The following HIVEP3 variants were observed in gnomAD, a reference collection of about 807,000 sequenced individuals.
The protein encoded by HIVEP3 is HIVEP zinc finger 3.
A neutral mutation model predicts 152.8 loss-of-function variants in HIVEP3; 49 were observed. The observed-to-expected ratio is 0.32, with a 90% CI of 0.26 to 0.41. The LOEUF (loss-of-function observed/expected upper bound fraction) is 0.41. HIVEP3 is among the 10% of genes least tolerant of loss of function. The pLI is 1.00. For synonymous variants in HIVEP3, 1,269 were observed against 1,289.0 expected, an observed-to-expected ratio of 0.98 and a Z score of 0.33; for missense variants, 2,790 against 3,103.3, an observed-to-expected ratio of 0.90 and a Z score of 2.40.
At chr1:41,557,188 G>A (rs1228170400) in intron 5 of HIVEP3, among the ~76,000 whole-genome samples, 1 of 152,160 alleles carries the variant, frequency 6.6e-6, no homozygotes. Context: ...AATATTTGAT[G>A]AATGAAAAGT....
upstream of HIVEP3, among the ~76,000 whole-genome samples, chr1:41,922,567 A>T (rs1406084367): frequency 3.9e-5 from 6 of 152,326 alleles, no homozygotes; most frequent in East Asian, 1.2e-3. Flanking sequence ...AATGTAATGA[A>T]TAAAGCCAAC....
chr1:41,942,235 A>G (rs1160161982), intron 1 of HIVEP3, among the ~76,000 whole-genome samples: 1 of 152,242 alleles, frequency 6.6e-6, no homozygotes, highest in Non-Finnish European at 1.5e-5. Flanking sequence ...ACACATCCAT[A>G]TGGGTGTCCC....
chr1:41,593,114 G>A (rs1245629942), intron 3 of HIVEP3, among the ~76,000 whole-genome samples: 2 of 152,126 alleles, frequency 1.3e-5, no homozygotes, highest in East Asian at 1.9e-4. Context: ...AGAAATGCTG[G>A]GGAACTTTCT....
chr1:42,003,642 T>C (rs1198491540), intron 1 of HIVEP3, among the ~76,000 whole-genome samples: 2 of 152,112 alleles, frequency 1.3e-5, no homozygotes, highest in Non-Finnish European at 2.9e-5. Flanking sequence ...GCTGCCCAGA[T>C]TGGCAGCAAA....
Position 41,616,695 on chromosome 1 carries a change from C to T in HIVEP3, c.-522+12054G>A, listed in dbSNP as rs60505580. Among the ~76,000 whole-genome samples, 607 of 148,972 alleles carry T rather than the reference C, an allele frequency of 4.1e-3. 13 individuals carry two copies. The highest frequency in any genetic ancestry group is 0.014 in the African/African-American group (570 of 40,354). On this transcript the variant is annotated intron_variant, in intron 3 of 8. Transcript: ENST00000372583. ...CTCAAATTCCTGGCCTCAAATGATC[C>T]TCCCGCCTTAGCATCTTGAGTATCT...
At chr1:41,773,068 G>A (rs1029985486) in intron 1 of HIVEP3, among the ~76,000 whole-genome samples, 1 of 152,170 alleles carries the variant, frequency 6.6e-6, no homozygotes, top group Non-Finnish European at 1.5e-5. Context: ...GCAGGGCTAG[G>A]ACCCAAACAA....
intron 1 of HIVEP3, among the ~76,000 whole-genome samples, chr1:41,825,815 C>T (rs1394178893): frequency 6.6e-6 from 1 of 151,878 alleles, no homozygotes; most frequent in Non-Finnish European, 1.5e-5. Context: ...TCCATGTTGC[C>T]CAAGCTGGTC....
intron 5 of HIVEP3, among the ~76,000 whole-genome samples, chr1:41,532,373 G>A (rs975384354): frequency 2.0e-5 from 3 of 152,088 alleles, no homozygotes; most frequent in African/African-American, 4.8e-5. Flanking sequence ...CCGGAGCAAC[G>A]GCAGAGTGTT....
In HIVEP3 at chr1:41,721,908, G is replaced by A. The variant is rs115864022; in HGVS notation, c.-800-20913C>T. On this transcript the variant is annotated intron_variant, in intron 1 of 8. Coordinates refer to ENST00000372583, the MANE Select transcript of HIVEP3 (RefSeq NM_024503.5). Reference sequence around the variant, plus strand: ...TGCCCTGGGTAGCACAGAGGCTAGTGAGCGTGATCCACTCCATCAGAGGGA... The same window carrying A: ...TGCCCTGGGTAGCACAGAGGCTAGTAAGCGTGATCCACTCCATCAGAGGGA... Among the ~76,000 whole-genome samples the A allele has an allele frequency of 4.7e-3, 716 of 152,304 alleles. 6 individuals are homozygous for A. Among genetic ancestry groups the A allele is most frequent in the African/African-American group, 0.017 (688 of 41,566 alleles).
chr1:41,855,936 A>G (rs1301119855), intron 1 of HIVEP3, among the ~76,000 whole-genome samples: 1 of 152,214 alleles, frequency 6.6e-6, no homozygotes, highest in East Asian at 1.9e-4. Flanking sequence ...TACAGGCTGG[A>G]GTGCAGTGAT....
At chr1:41,737,551 T>A (rs1477971079) in intron 1 of HIVEP3, among the ~76,000 whole-genome samples, 3 of 152,224 alleles carry the variant, frequency 2.0e-5, no homozygotes, top group Non-Finnish European at 4.4e-5. Context: ...TCATCTGTTG[T>A]CCCACCAGCT....
At chr1:41,905,171 A>C (rs978511784) in intron 1 of HIVEP3, among the ~76,000 whole-genome samples, 2 of 152,202 alleles carry the variant, frequency 1.3e-5, no homozygotes, top group Non-Finnish European at 2.9e-5. Context: ...GGAACAAAGC[A>C]AACAGGTGGG....
intron 1 of HIVEP3, among the ~76,000 whole-genome samples, chr1:41,831,086 C>A (rs1299955263): frequency 1.3e-5 from 2 of 152,200 alleles, no homozygotes; most frequent in Non-Finnish European, 2.9e-5. Context: ...CTCACTCTCA[C>A]ATGAGGATGT....
At chr1:41,553,400 C>G (rs1161197886) in intron 5 of HIVEP3, among the ~76,000 whole-genome samples, 5 of 152,152 alleles carry the variant, frequency 3.3e-5, no homozygotes, top group African/African-American at 1.2e-4. Context: ...TGTCTCTGCA[C>G]ATGAGATTGG....
At chr1:41,966,586 G>C (rs1003042910) in intron 1 of HIVEP3, among the ~76,000 whole-genome samples, 4 of 148,438 alleles carry the variant, frequency 2.7e-5, no homozygotes, top group Non-Finnish European at 5.9e-5. Flanking sequence ...CCATTCTCCT[G>C]CCTCAGCCTC....
chr1:41,840,745 C>T (rs1267353733), intron 1 of HIVEP3, among the ~76,000 whole-genome samples: 1 of 152,236 alleles, frequency 6.6e-6, no homozygotes, highest in Non-Finnish European at 1.5e-5. Flanking sequence ...CCGTGCCAGC[C>T]AGCCAGTCAC....
chr1:41,527,659 T>A (rs1462494163), intron 5 of HIVEP3, among the ~76,000 whole-genome samples: 1 of 92,198 alleles, frequency 1.1e-5, no homozygotes, highest in African/African-American at 4.5e-5. Context: ...ACACACCCGT[T>A]CTCACACATT....
intron 1 of HIVEP3, among the ~76,000 whole-genome samples, chr1:41,946,003 G>A (rs1001219581): frequency 6.6e-6 from 1 of 152,158 alleles, no homozygotes; most frequent in African/African-American, 2.4e-5. Flanking sequence ...GAGGTCAGGA[G>A]AAGCAGGCGG....
chr1:41,895,508 A>G (rs1269741385), intron 1 of HIVEP3, among the ~76,000 whole-genome samples: 2 of 152,256 alleles, frequency 1.3e-5, no homozygotes, highest in Admixed American at 6.5e-5. Flanking sequence ...TTGGCAACCC[A>G]GTGTGCTAAT....
Sources: gnomAD v4.1 joint callset for allele counts (sites outside exome capture counted in the v4.1 genomes callset) on GRCh38, gnomAD v4.1.1 for gene constraint, MANE v1.5 for transcripts, NCBI Gene and HGNC (gene_info 2026-07-23, HGNC 2026-07-21) for gene names.